DRAM2: variants seen among roughly 807,000 people sequenced by gnomAD.
DRAM2 encodes the protein DNA damage-regulated autophagy modulator protein 2.
In DRAM2, 26 loss-of-function variants were observed where a neutral mutation model predicts 33.5. The ratio of observed to expected loss-of-function variants is 0.78; its 90% CI spans 0.57 to 1.08. DRAM2 has a LOEUF of 1.08. DRAM2 is among the 50% of genes least tolerant of loss of function. The probability of loss-of-function intolerance (pLI) is 0.00; values close to 1 mark genes in which losing one functional copy is unlikely to be tolerated. For synonymous variants in DRAM2, 98 were observed against 109.5 expected (o/e 0.89, Z 0.66); for missense variants, 311 against 318.1 (o/e 0.98, Z 0.17).
chr1:111,118,674 A>G (rs1183192171), intron 9 of DRAM2, 131 bp downstream of exon 9: 1 of 613,322 alleles, frequency 1.6e-6, no homozygotes, highest in East Asian at 3.1e-5. Flanking sequence ...TCACTTGTTT[A>G]TGATACCAAA....
intron 2 of DRAM2, among the ~76,000 whole-genome samples, chr1:111,138,517 G>A (rs1485672124): frequency 6.6e-6 from 1 of 152,246 alleles, no homozygotes; most frequent in Non-Finnish European, 1.5e-5. Flanking sequence ...CGGGGGCGGT[G>A]GCTCTCGCCT....
At position 111,119,734 on chromosome 1, in the gene DRAM2, A is replaced by G. The variant is rs891008169; in HGVS notation, c.600+143T>C. ...TGGAAGGTTCTACATAAACCCTACCATATCAAGAAAATAATTTTAATACAG... is the reference window on the plus strand; with the variant it reads ...TGGAAGGTTCTACATAAACCCTACCGTATCAAGAAAATAATTTTAATACAG... On this transcript the variant is annotated intron_variant, in intron 8 of 9. Transcript: ENST00000484310. 1.6e-5 allele frequency: 11 copies of G among 677,290 alleles called. No homozygotes were observed. The Admixed American group carries it at 1.7e-4, about 11-fold the overall frequency. 42.0% of individuals were successfully genotyped at this position (677,290 alleles called of 1,614,324 possible). A position where few individuals can be genotyped will look rare whatever the true frequency, so the allele number is the denominator to read the frequency against.
Position 111,120,558 on chromosome 1 carries a change from T to C in DRAM2, c.475A>G (p.Arg159Gly). The change falls in exon 7 of 10, where the codon AGA becomes GGA. Residue 159 changes from arginine to glycine, a missense_variant. Transcript: ENST00000484310. ...KIHGKQVFWI[R>G]LLLVIWCGVS... ...CCACACCAGATAACCAACAACAGTC[T>C]GATCCAGAAGACTTGTTTGCCATGG... The C allele has an allele frequency of 6.2e-7, 1 of 1,612,166 alleles. No homozygotes were observed. The highest frequency in any genetic ancestry group is 8.5e-7 in the Non-Finnish European group (1 of 1,178,930).
At chr1:111,136,015 G>A (rs1434459348) in intron 3 of DRAM2, among the ~76,000 whole-genome samples, 1 of 152,102 alleles carries the variant, frequency 6.6e-6, no homozygotes, top group Admixed American at 6.5e-5. Flanking sequence ...GTCCTCACAT[G>A]CTGTCACCAA....
intron 3 of DRAM2, 56 bp from the exon 4 acceptor site, chr1:111,131,624 C>T (rs575517995): frequency 1.9e-6 from 3 of 1,578,160 alleles, no homozygotes; most frequent in African/African-American, 1.3e-5. Context: ...CCTCATCCTA[C>T]TTTAGCCATC....
rs1235322240 is a variant in DRAM2 at position 111,124,681 on chromosome 1, CCT to C, written c.339+59_339+60del. ...CATGTAACTGAATGCTTCAGGTTTC[CCT>C]TTTAATATATATATTTATGTACTTA... On this transcript the variant is annotated intron_variant, in intron 6 of 9. Coordinates refer to ENST00000484310, the MANE Select transcript of DRAM2 (RefSeq NM_001349884.2). 1.9e-6 allele frequency: 3 copies of C among 1,551,850 alleles called. No homozygotes were observed. In the African/African-American group the frequency reaches 4.2e-5, roughly 22 times the overall value.
At chr1:111,137,198 GA>G (rs1653391699) in intron 3 of DRAM2, among the ~76,000 whole-genome samples, 2 of 147,192 alleles carry the variant, frequency 1.4e-5, no homozygotes, top group South Asian at 4.3e-4. Flanking sequence ...AGCCTGCAGT[GA>G]GCCGAGATCG....
intron 3 of DRAM2, among the ~76,000 whole-genome samples, 197 bp downstream of exon 3, chr1:111,137,326 C>T (rs67541161): frequency 0.18 from 27,229 of 150,218 alleles, 2,640 homozygotes; most frequent in Middle Eastern, 0.26. Flanking sequence ...AGTCTTTGTA[C>T]AGCTTATACT....
At chr1:111,127,069 C>G (rs1050019969) in intron 4 of DRAM2, among the ~76,000 whole-genome samples, 3 of 152,156 alleles carry the variant, frequency 2.0e-5, no homozygotes, top group Non-Finnish European at 4.4e-5. Context: ...TAAAACTGTT[C>G]CCTTAATTTG....
chr1:111,123,313 C>T (rs1650383709), intron 6 of DRAM2, among the ~76,000 whole-genome samples: 1 of 152,082 alleles, frequency 6.6e-6, no homozygotes, highest in Non-Finnish European at 1.5e-5. Flanking sequence ...CGCTGCACCC[C>T]CATATCTAGC....
chr1:111,131,712 G>A (rs901982707), intron 3 of DRAM2, 144 bp from the exon 4 acceptor site: 31 of 716,880 alleles, frequency 4.3e-5, no homozygotes, highest in African/African-American at 3.4e-4. Context: ...CCCAATACTC[G>A]CTCTCCTTCC....
intron 3 of DRAM2, among the ~76,000 whole-genome samples, chr1:111,134,075 G>A (rs955045344): frequency 1.4e-4 from 22 of 152,190 alleles, no homozygotes; most frequent in Admixed American, 3.3e-4. Context: ...CAGGGGCGGA[G>A]ACAGAGGGCC....
chr1:111,127,798 A>C (rs963674637), intron 4 of DRAM2, among the ~76,000 whole-genome samples: 18 of 152,134 alleles, frequency 1.2e-4, no homozygotes, highest in Admixed American at 9.2e-4. Context: ...TACAAATGAA[A>C]ACAGCCATGC....
intron 3 of DRAM2, among the ~76,000 whole-genome samples, chr1:111,135,532 C>T (rs1271029338): frequency 6.6e-6 from 1 of 152,206 alleles, no homozygotes; most frequent in African/African-American, 2.4e-5. Context: ...GTAATTTATT[C>T]AGCATTTAGG....
chr1:111,131,248 A>G (rs1181883215), intron 4 of DRAM2, among the ~76,000 whole-genome samples, 176 bp downstream of exon 4: 1 of 152,214 alleles, frequency 6.6e-6, no homozygotes, highest in Admixed American at 6.5e-5. Context: ...GGCTGTCTCT[A>G]CATTTCTCTA....
intron 3 of DRAM2, among the ~76,000 whole-genome samples, chr1:111,136,228 A>G (rs1653108099): frequency 6.6e-6 from 1 of 152,154 alleles, no homozygotes; most frequent in African/African-American, 2.4e-5. Flanking sequence ...TGTGAACTTC[A>G]GCAAGCTTCA....
chr1:111,118,205 G>T lies in DRAM2; in HGVS notation c.756C>A (p.Cys252Ter). ...GCCGTGTTCGTTCATTGTTAATAGG[G>T]CAAGGTGCAGTGTCATAGAGGGTTA... ...HGLTLYDTAP[C>*]PINNERTRLL... Residue 252 changes from cysteine (C) to a stop codon, truncating the protein, a stop_gained, in exon 10 of 10, where the codon TGC becomes TGA. Transcript: ENST00000484310. LOFTEE classifies it high-confidence loss of function. 1 of 1,613,090 alleles carries T rather than the reference G, an allele frequency of 6.2e-7. No individual in the cohort carries two copies. The highest frequency in any genetic ancestry group is 2.2e-5 in the East Asian group (1 of 44,822).
At chr1:111,126,683 T>C (rs1651087032) in intron 4 of DRAM2, among the ~76,000 whole-genome samples, 1 of 152,144 alleles carries the variant, frequency 6.6e-6, no homozygotes, top group Non-Finnish European at 1.5e-5. Flanking sequence ...TTTTGTTGAC[T>C]ATGTCTGTAT....
chr1:111,119,346 T>A (rs1427671919), intron 8 of DRAM2, among the ~76,000 whole-genome samples: 2 of 152,012 alleles, frequency 1.3e-5, no homozygotes, highest in Non-Finnish European at 2.9e-5. Context: ...CATGCCCAAT[T>A]TGGGGCTAAT....
Sources: gnomAD v4.1 joint callset for allele counts (sites outside exome capture counted in the v4.1 genomes callset) on GRCh38, gnomAD v4.1.1 for gene constraint, MANE v1.5 for transcripts, NCBI Gene and HGNC (gene_info 2026-07-23, HGNC 2026-07-21) for gene names.